The following LARGE2 variants were observed in gnomAD, a reference collection of about 807,000 sequenced individuals.
The protein encoded by LARGE2 is LARGE xylosyl- and glucuronyltransferase 2, also known as xylosyl- and glucuronyltransferase LARGE2.
Under a neutral mutation model 75.3 loss-of-function variants are expected in LARGE2, and 63 were observed. The ratio of observed to expected loss-of-function variants is 0.84; its 90% CI spans 0.68 to 1.03. The LOEUF (loss-of-function observed/expected upper bound fraction) is 1.03, where lower values mean the gene tolerates loss of function less well. Ranked by LOEUF, LARGE2 falls within the 50% of genes least tolerant of loss-of-function variation. The pLI is 0.00. For synonymous variants in LARGE2, 428 were observed against 420.1 expected, an observed-to-expected ratio of 1.02 and a Z score of -0.23; for missense variants, 925 against 980.6, an observed-to-expected ratio of 0.94 and a Z score of 0.76.
intron 3 of LARGE2, among the ~76,000 whole-genome samples, chr11:45,923,862 T>C (rs1207840761): frequency 6.7e-6 from 1 of 149,648 alleles, no homozygotes; most frequent in Non-Finnish European, 1.5e-5. Flanking sequence ...GGCGGGCGCC[T>C]GTAGTCCCAG....
intron 2 of LARGE2, 97 bp from the exon 3 acceptor site, chr11:45,923,376 T>C: frequency 7.8e-7 from 1 of 1,275,382 alleles, no homozygotes; most frequent in Non-Finnish European, 1.1e-6. Context: ...CTCCGCACAC[T>C]GTTCCGGGCT....
Position 45,928,925 on chromosome 11 carries a change from A to G in LARGE2, c.*80A>G. On this transcript the variant is annotated 3_prime_UTR_variant, in exon 14 of 14. Transcript: ENST00000401752. Reference sequence around the variant, plus strand: ...GCCCTCCGCCATCCCTGCTATTTAAATTATTTAAGGTCTCTGGGAAGGGCT... The same window carrying G: ...GCCCTCCGCCATCCCTGCTATTTAAGTTATTTAAGGTCTCTGGGAAGGGCT... 1.3e-6 allele frequency: 2 copies of G among 1,549,330 alleles called. No homozygotes were observed. Among genetic ancestry groups the G allele is most frequent in the Non-Finnish European group, 1.8e-6 (2 of 1,142,118 alleles).
At chr11:45,923,623 G>T in intron 3 of LARGE2, 68 bp downstream of exon 3, 1 of 1,373,478 alleles carries the variant, frequency 7.3e-7, no homozygotes. Flanking sequence ...CAGGCTGCTG[G>T]TCTCAGAGCT....
rs1320897832 is a variant in LARGE2, at chr11:45,927,378, G to C, written c.1389G>C (p.Leu463=). ...GCCCCATGAGCCTGGCCTTGTACCT[G>C]ACAGACGCAGAAGCTCAGCAGTTCC... is the stretch of plus-strand genomic sequence containing the variant. The part of the protein sequence containing the change: ...WPGPMSLALY[L]TDAEAQQFLH... Residue 463 remains leucine, a synonymous_variant, in exon 11 of 14, where the codon CTG becomes CTC. Coordinates refer to ENST00000401752, the MANE Select transcript of LARGE2 (RefSeq NM_001300721.2). 2.5e-6 allele frequency: 4 copies of C among 1,614,038 alleles called. No homozygotes were observed. In the South Asian group the frequency reaches 3.3e-5, roughly 13 times the overall value.
rs1055384599 is a variant in LARGE2 at position 45,926,702 on chromosome 11, C to A, written c.1165-9C>A. 1 of 1,609,648 alleles carries A rather than the reference C, an allele frequency of 6.2e-7. No individual in the cohort carries two copies. The highest frequency in any genetic ancestry group is 1.1e-5 in the South Asian group (1 of 90,856). ...TATCCCCGGTCCTTGTCACCCCTTG[C>A]CCCCTCAGTTGCAGCAGGCCCTGGC... On this transcript the variant is annotated splice_polypyrimidine_tract_variant and intron_variant, in intron 9 of 13. Transcript: ENST00000401752.
At chr11:45,925,342 G>T (rs1027716676) in intron 6 of LARGE2, among the ~76,000 whole-genome samples, 2 of 152,088 alleles carry the variant, frequency 1.3e-5, no homozygotes, top group Non-Finnish European at 2.9e-5. Flanking sequence ...GCAACATAGT[G>T]AGACCCTTGT....
At position 45,928,301 on chromosome 11, in the gene LARGE2, C is replaced by T; in HGVS notation, c.1879C>T (p.Pro627Ser). The stretch of plus-strand genomic sequence containing the variant: ...CTACGTGGTGGTGCCACGAGACTGT[C>T]CCCGCTATGATCCTCGCTTTGTGGG... ...EPYVVVPRDC[P>S]RYDPRFVGFG... Residue 627 changes from proline to serine, a missense_variant, in exon 13 of 14, where the codon CCC becomes TCC. This residue lies in a region of LARGE2 where 469 missense variants were observed against 503.8 expected (regional missense o/e 0.93). Coordinates refer to ENST00000401752, the MANE Select transcript of LARGE2 (RefSeq NM_001300721.2). The T allele has an allele frequency of 6.2e-7, 1 of 1,614,174 alleles. No individual in the cohort carries two copies. Among genetic ancestry groups the T allele is most frequent in the Non-Finnish European group, 8.5e-7 (1 of 1,180,042 alleles).
rs60577963 is a variant in LARGE2, at chr11:45,923,985, C to CAAAAAAAAAAAA, written c.369-142_369-131dup. 5.8e-5 allele frequency among the ~76,000 whole-genome samples: 4 copies of CAAAAAAAAAAAA among 69,530 alleles called. 1 individual carries two copies. The highest frequency in any genetic ancestry group is 2.5e-4 in the African/African-American group (4 of 15,714). The allele number at this position is 69,530 out of a possible 152,430, so 45.6% of individuals were successfully genotyped here. On this transcript the variant is annotated intron_variant, in intron 3 of 13. Transcript: ENST00000401752. The stretch of plus-strand genomic sequence containing the variant: ...TGGGCGACAGAGCGAGACTCCGTCT[C>CAAAAAAAAAAAA]AAAAAAAAAAAAAAAAAAAAAAAAA...
chr11:45,928,596 C>T (rs780707059), intron 13 of LARGE2, 34 bp from the exon 14 acceptor site: 1 of 1,598,124 alleles, frequency 6.3e-7, no homozygotes, highest in South Asian at 1.1e-5. Flanking sequence ...CCAGGCAAGC[C>T]AGGCAGCCAC....
At chr11:45,925,141 C>T (rs1450565666) in intron 6 of LARGE2, among the ~76,000 whole-genome samples, 5 of 152,192 alleles carry the variant, frequency 3.3e-5, no homozygotes, top group African/African-American at 1.2e-4. Context: ...GCCCTGGGAT[C>T]ACCAAGTGTG....
In LARGE2 at chr11:45,927,917, C is replaced by T. The variant is rs2087286818; in HGVS notation, c.1605-3C>T. 6.2e-7 allele frequency: 1 copy of T among 1,612,624 alleles called. No homozygotes were observed. On this transcript the variant is annotated splice_polypyrimidine_tract_variant and splice_region_variant and intron_variant, in intron 11 of 13. Coordinates refer to ENST00000401752, the MANE Select transcript of LARGE2 (RefSeq NM_001300721.2). ...TCCCCTGCTCATGGGTGCTCCTCCT[C>T]AGGGCCTCCATTGAGCAGCTGGGGC... is the stretch of plus-strand genomic sequence containing the variant.
Position 45,927,609 on chromosome 11 carries a change from G to A in LARGE2, c.1604+16G>A, listed in dbSNP as rs1401286002. The A allele has an allele frequency of 2.5e-6, 4 of 1,610,458 alleles. No individual in the cohort carries two copies. The highest frequency in any genetic ancestry group is 2.2e-5 in the East Asian group (1 of 44,858). On this transcript the variant is annotated intron_variant, in intron 11 of 13. Coordinates refer to ENST00000401752, the MANE Select transcript of LARGE2 (RefSeq NM_001300721.2). ...ACTACCTCAGGTGGGCCTGCAGGCA[G>A]AGAGGGGAACAATATATGGGGTGGA...
upstream of LARGE2, chr11:45,922,586 A>G: frequency 4.3e-6 from 1 of 233,964 alleles, no homozygotes. Flanking sequence ...CGGGGGGGTC[A>G]CCCCGCCCCT....
intron 11 of LARGE2, 76 bp downstream of exon 11, chr11:45,927,669 A>G: frequency 6.4e-7 from 1 of 1,568,384 alleles, no homozygotes; most frequent in Middle Eastern, 1.7e-4. Context: ...CCAGGCTTCC[A>G]TGTCCCTGCT....
chr11:45,922,685 G>C lies in LARGE2; in HGVS notation c.-106G>C. The C allele has an allele frequency of 2.7e-6, 1 of 373,508 alleles. No individual in the cohort carries two copies. Among genetic ancestry groups the C allele is most frequent in the Non-Finnish European group, 4.6e-6 (1 of 215,582 alleles). 23.1% of individuals were successfully genotyped at this position (373,508 alleles called of 1,614,324 possible). A position where few individuals can be genotyped will look rare whatever the true frequency, so the allele number is the denominator to read the frequency against. On this transcript the variant is annotated 5_prime_UTR_variant, in exon 1 of 14. Coordinates refer to ENST00000401752, the MANE Select transcript of LARGE2 (RefSeq NM_001300721.2). ...CTCCCCTGGTTCCCGCACCCTGGCC[G>C]GCGGCTGCGAGCGCAGGGCCCAGCC...
At position 45,924,266 on chromosome 11, in the gene LARGE2, G is replaced by T; in HGVS notation, c.481G>T (p.Asp161Tyr). ...TGTCCGTGTCAGCTTTTATCATGCC[G>T]ACCAGCTCAAGGCAGGGGCCCAGCC... ...PAVRVSFYHA[D>Y]QLKPQVSWIP... The change falls in exon 4 of 14, where the codon GAC becomes TAC. Residue 161 changes from aspartate (D) to tyrosine (Y), a missense_variant. Physicochemically the swap from Asp to Tyr is radical, Grantham distance 160. This residue lies in a region of LARGE2 where 453 missense variants were observed against 460.2 expected (regional missense o/e 0.98). Transcript: ENST00000401752. 6.2e-7 allele frequency: 1 copy of T among 1,613,196 alleles called. No individual in the cohort carries two copies. The highest frequency in any genetic ancestry group is 2.2e-5 in the East Asian group (1 of 44,864).
intron 9 of LARGE2, 33 bp from the exon 10 acceptor site, chr11:45,926,678 A>G (rs1047430229): frequency 3.7e-6 from 6 of 1,611,854 alleles, no homozygotes; most frequent in Non-Finnish European, 4.2e-6. Context: ...GTTCTGCCCT[A>G]TCCCCGGTCC....
rs1482064947 is a variant in LARGE2 at position 45,926,527 on chromosome 11, A to G, written c.1094A>G (p.Glu365Gly). 2.5e-6 allele frequency: 4 copies of G among 1,614,012 alleles called. No individual in the cohort carries two copies. Among genetic ancestry groups the G allele is most frequent in the Admixed American group, 3.3e-5 (2 of 59,998 alleles). Residue 365 changes from glutamate (E) to glycine (G), a missense_variant, in exon 9 of 14, where the codon GAG becomes GGG. Physicochemically the swap from Glu to Gly is moderately conservative, Grantham distance 98 (BLOSUM62 -2). This residue lies in a region of LARGE2 where 469 missense variants were observed against 503.8 expected (regional missense o/e 0.93). Transcript: ENST00000401752. ...CGCAATTTCTACCTGACCTTCCTGG[A>G]GTACGATGGGAACCTGCTGCGGAGA... The part of the protein sequence containing the change: ...FFRNFYLTFL[E>G]YDGNLLRREL...
intron 3 of LARGE2, 31 bp from the exon 4 acceptor site, chr11:45,924,123 C>G: frequency 6.2e-7 from 1 of 1,604,494 alleles, no homozygotes; most frequent in Middle Eastern, 1.7e-4. Context: ...CTGCTGGGGC[C>G]TCTCAGGCTT....
Sources: gnomAD v4.1 joint callset for allele counts (sites outside exome capture counted in the v4.1 genomes callset) on GRCh38, gnomAD v4.1.1 for gene constraint, gnomAD v4.1.1 regional missense constraint, MANE v1.5 for transcripts, NCBI Gene and HGNC (gene_info 2026-07-23, HGNC 2026-07-21) for gene names.